The following CSMD3 variants were observed in gnomAD, a reference collection of about 807,000 sequenced individuals.
The protein encoded by CSMD3 is CUB and Sushi multiple domains 3.
Under a neutral mutation model 435.2 loss-of-function variants are expected in CSMD3, and 177 were observed. The observed-to-expected ratio is 0.41, with a 90% confidence interval of 0.36 to 0.46. The LOEUF is 0.46. Among genes scored for constraint, CSMD3 ranks in the 20% least tolerant of loss-of-function variants. The pLI is 0.34. For synonymous variants in CSMD3, 1,656 were observed against 1,520.5 expected, an observed-to-expected ratio of 1.09 and a Z score of -2.07; for missense variants, 4,265 against 4,504.6, an observed-to-expected ratio of 0.95 and a Z score of 1.52.
chr8:112,848,473 C>G (rs1381407474), intron 11 of CSMD3, among the ~76,000 whole-genome samples: 1 of 152,000 alleles, frequency 6.6e-6, no homozygotes, highest in African/African-American at 2.4e-5. Context: ...GAGCTAGGTA[C>G]TATGCTTATG....
intron 13 of CSMD3, among the ~76,000 whole-genome samples, chr8:112,743,383 C>A (rs1230004887): frequency 6.6e-6 from 1 of 151,746 alleles, no homozygotes; most frequent in East Asian, 1.9e-4. Flanking sequence ...TTTCCAACCT[C>A]TCATATGTTT....
intron 1 of CSMD3, among the ~76,000 whole-genome samples, chr8:113,352,993 A>T (rs1374427103): frequency 6.6e-6 from 1 of 152,158 alleles, no homozygotes; most frequent in African/African-American, 2.4e-5. Context: ...GGGGAACACA[A>T]ATTGCAAGCT....
At chr8:112,320,467 A>C (rs1056141762) in intron 45 of CSMD3, among the ~76,000 whole-genome samples, 17 of 152,110 alleles carry the variant, frequency 1.1e-4, no homozygotes, top group African/African-American at 4.1e-4. Context: ...TATTTAATTT[A>C]TGTTACTATT....
intron 13 of CSMD3, among the ~76,000 whole-genome samples, chr8:112,725,853 G>A (rs961079551): frequency 6.6e-6 from 1 of 151,892 alleles, no homozygotes; most frequent in African/African-American, 2.4e-5. Context: ...AGACATGAGA[G>A]GAGAAAACAT....
chr8:112,410,676 G>GTATATATATGTA (rs1832323000), intron 32 of CSMD3, among the ~76,000 whole-genome samples: 1 of 44,890 alleles, frequency 2.2e-5, no homozygotes, highest in African/African-American at 8.4e-5. Context: ...ATATATATGT[G>GTATATATATGTA]TATATATATA....
At chr8:113,063,572 G>C (rs954021746) in intron 5 of CSMD3, among the ~76,000 whole-genome samples, 10 of 151,854 alleles carry the variant, frequency 6.6e-5, no homozygotes, top group Admixed American at 6.6e-4. Context: ...CTGAAAATAA[G>C]CACACTGTTC....
At position 113,335,473 on chromosome 8, in the gene CSMD3, C is replaced by A. The variant is rs371370993; in HGVS notation, c.179-20680G>T. 2.5e-4 allele frequency among the ~76,000 whole-genome samples: 36 copies of A among 146,696 alleles called. 1 individual carries two copies. In the South Asian group the frequency reaches 7.3e-3, roughly 30 times the overall value. ...TTTCTCTATTTTGTTGTTTTGTTTT[C>A]AGATGTTCAGCTCTTTTTCTATATT... On this transcript the variant is annotated intron_variant, in intron 1 of 70. Coordinates refer to ENST00000297405, the MANE Select transcript of CSMD3 (RefSeq NM_198123.2).
intron 7 of CSMD3, among the ~76,000 whole-genome samples, chr8:112,972,306 C>T (rs566593211): frequency 1.8e-4 from 27 of 151,938 alleles, no homozygotes; most frequent in Middle Eastern, 6.8e-3. Context: ...AGACATCGAA[C>T]GGACCTATGC....
At chr8:112,380,263 G>A in intron 38 of CSMD3, 89 bp downstream of exon 38, 1 of 669,152 alleles carries the variant, frequency 1.5e-6, no homozygotes. Context: ...TGAGAAAGTT[G>A]CTATAATATG....
At chr8:112,977,386 T>C (rs1212184841) in intron 6 of CSMD3, among the ~76,000 whole-genome samples, 3 of 152,154 alleles carry the variant, frequency 2.0e-5, no homozygotes, top group Non-Finnish European at 4.4e-5. Flanking sequence ...TTAGATATTT[T>C]AGATAACAAT....
chr8:112,705,861 G>A (rs1422121585), intron 13 of CSMD3, among the ~76,000 whole-genome samples: 1 of 152,020 alleles, frequency 6.6e-6, no homozygotes, highest in African/African-American at 2.4e-5. Flanking sequence ...CTGACTTACT[G>A]GGTATATTAT....
chr8:112,637,013 T>G lies in CSMD3; in HGVS notation c.3527-8A>C. The G allele has an allele frequency of 6.2e-7, 1 of 1,612,446 alleles. No homozygotes were observed. ...AAGGTTCAAGGTTATATTCTGTAAA[T>G]TAGAGAGAAAAATTTCCCCGCGGGG... On this transcript the variant is annotated splice_region_variant and splice_polypyrimidine_tract_variant and intron_variant, in intron 21 of 70. Transcript: ENST00000297405.
chr8:112,764,106 C>T (rs1237738579), intron 13 of CSMD3, among the ~76,000 whole-genome samples: 1 of 151,450 alleles, frequency 6.6e-6, no homozygotes, highest in Non-Finnish European at 1.5e-5. Context: ...AGTGACATTT[C>T]AGCAATTTCT....
At chr8:112,507,144 T>TA (rs1274229555) in intron 28 of CSMD3, among the ~76,000 whole-genome samples, 1 of 152,090 alleles carries the variant, frequency 6.6e-6, no homozygotes, top group Non-Finnish European at 1.5e-5. Context: ...AAAAAAGTGA[T>TA]AAAGATGATT....
At chr8:112,702,594 G>T (rs867067103) in intron 13 of CSMD3, among the ~76,000 whole-genome samples, 7 of 151,988 alleles carry the variant, frequency 4.6e-5, no homozygotes, top group Admixed American at 3.3e-4. Flanking sequence ...CTTCCGGGGT[G>T]GGGGGTAAAG....
chr8:112,739,694 A>G (rs1356326167), intron 13 of CSMD3, among the ~76,000 whole-genome samples: 1 of 151,850 alleles, frequency 6.6e-6, no homozygotes, highest in African/African-American at 2.4e-5. Flanking sequence ...CACACTCATA[A>G]TTATCAGAGA....
chr8:112,326,817 C>A (rs1316856280), intron 45 of CSMD3, among the ~76,000 whole-genome samples: 1 of 152,062 alleles, frequency 6.6e-6, no homozygotes, highest in Admixed American at 6.6e-5. Flanking sequence ...GAGTTTGAAA[C>A]CAGCTAGCCA....
At chr8:113,071,004 A>G (rs2089088475) in intron 5 of CSMD3, among the ~76,000 whole-genome samples, 2 of 151,972 alleles carry the variant, frequency 1.3e-5, no homozygotes, top group African/African-American at 4.8e-5. Flanking sequence ...TTTATCTAAT[A>G]GCCATTCTAA....
chr8:113,259,553 C>A (rs2093410212), intron 3 of CSMD3, among the ~76,000 whole-genome samples: 1 of 147,740 alleles, frequency 6.8e-6, no homozygotes, highest in Non-Finnish European at 1.5e-5. Flanking sequence ...GTAGATTGCC[C>A]CATGTAGAAC....
Sources: allele counts gnomAD v4.1 joint callset (sites outside exome capture counted in the v4.1 genomes callset), GRCh38; gene constraint gnomAD v4.1.1; transcripts MANE v1.5; gene names NCBI Gene and HGNC (gene_info 2026-07-23, HGNC 2026-07-21).